The following UQCRC2 variants were observed in gnomAD, a reference collection of about 807,000 sequenced individuals.
The protein encoded by UQCRC2 is cytochrome b-c1 complex subunit 2, mitochondrial.
UQCRC2 carries 49 observed loss-of-function variants against 55.6 expected under a neutral mutation model. That is an observed-to-expected ratio of 0.88 (90% CI 0.70 to 1.12). UQCRC2 has a LOEUF of 1.12. Among genes scored for constraint, UQCRC2 ranks in the 50% most tolerant of loss-of-function variants. The pLI is 0.00. For missense variants in UQCRC2, 506 were observed against 547.8 expected, an observed-to-expected ratio of 0.92 and a Z score of 0.76; for synonymous variants, 193 against 192.0, an observed-to-expected ratio of 1.01 and a Z score of -0.04.
intron 1 of UQCRC2, among the ~76,000 whole-genome samples, chr16:21,953,894 T>A (rs1430060051): frequency 5.3e-5 from 8 of 152,208 alleles, no homozygotes; most frequent in African/African-American, 1.9e-4. Context: ...AAGGAGCTAA[T>A]GCAGATAGAA....
chr16:21,966,331 A>G (rs1245728693), intron 7 of UQCRC2, among the ~76,000 whole-genome samples: 2 of 152,054 alleles, frequency 1.3e-5, no homozygotes, highest in Non-Finnish European at 2.9e-5. Flanking sequence ...TGCTGGCTAT[A>G]GGGGTTTGTC....
intron 7 of UQCRC2, among the ~76,000 whole-genome samples, chr16:21,966,259 TC>T (rs1898324657): frequency 6.6e-6 from 1 of 152,160 alleles, no homozygotes. Flanking sequence ...TGAGCCCACT[TC>T]CTTAGCTCCT....
intron 12 of UQCRC2, 162 bp downstream of exon 12, chr16:21,976,405 T>C: frequency 1.6e-6 from 1 of 627,496 alleles, no homozygotes; most frequent in Non-Finnish European, 2.6e-6. Flanking sequence ...GATATAATTG[T>C]TAACATTTTG....
Position 21,983,419 on chromosome 16 carries a change from A to G in UQCRC2, c.*248A>G. 1 of 469,584 alleles carries G rather than the reference A, an allele frequency of 2.1e-6. No individual in the cohort carries two copies. Among genetic ancestry groups the G allele is most frequent in the Non-Finnish European group, 3.7e-6 (1 of 269,556 alleles). The allele number at this position is 469,584 out of a possible 1,614,324, so 29.1% of individuals were successfully genotyped here. On this transcript the variant is annotated 3_prime_UTR_variant, in exon 14 of 14. Coordinates refer to ENST00000268379, the MANE Select transcript of UQCRC2 (RefSeq NM_003366.4). ...TTATGTGCTGATATCTTTGTTTTAG[A>G]TGCTTTAAAGGAGACAGGAATATAA...
intron 4 of UQCRC2, 64 bp downstream of exon 4, chr16:21,958,663 TTTCTC>T: frequency 7.0e-7 from 1 of 1,429,450 alleles, no homozygotes; most frequent in Non-Finnish European, 9.8e-7. Flanking sequence ...TAAGGGAACT[TTTCTC>T]TGTTATCAAG....
intron 12 of UQCRC2, among the ~76,000 whole-genome samples, chr16:21,978,467 G>A (rs2141947332): frequency 6.6e-6 from 1 of 152,200 alleles, no homozygotes; most frequent in East Asian, 1.9e-4. Context: ...GGATGCTTTT[G>A]TGCCCATATT....
intron 1 of UQCRC2, among the ~76,000 whole-genome samples, chr16:21,956,114 C>T (rs949159924): frequency 2.6e-5 from 4 of 152,132 alleles, no homozygotes; most frequent in East Asian, 1.9e-4. Flanking sequence ...CGTGAGCCAC[C>T]GCACCCGGCT....
At chr16:21,960,950 C>T in intron 4 of UQCRC2, among the ~76,000 whole-genome samples, 1 of 152,256 alleles carries the variant, frequency 6.6e-6, no homozygotes, top group African/African-American at 2.4e-5. Flanking sequence ...TCTCCCTCCG[C>T]TTCCCAAGTA....
At chr16:21,978,281 C>T (rs777146723) in intron 12 of UQCRC2, among the ~76,000 whole-genome samples, 3 of 152,178 alleles carry the variant, frequency 2.0e-5, no homozygotes, top group Non-Finnish European at 2.9e-5. Flanking sequence ...AAGCTGACAA[C>T]GTGGTAAAAC....
At chr16:21,967,532 A>G (rs1898355939) in intron 7 of UQCRC2, among the ~76,000 whole-genome samples, 1 of 151,988 alleles carries the variant, frequency 6.6e-6, no homozygotes, top group African/African-American at 2.4e-5. Flanking sequence ...CTACTTTTGT[A>G]TATTAAGCCT....
chr16:21,958,233 G>A (rs1458265425), intron 3 of UQCRC2, among the ~76,000 whole-genome samples: 1 of 152,038 alleles, frequency 6.6e-6, no homozygotes, highest in Non-Finnish European at 1.5e-5. Context: ...TTTTTAACAG[G>A]AAGTGCCGCA....
intron 10 of UQCRC2, 40 bp from the exon 11 acceptor site, chr16:21,973,856 T>C (rs752216453): frequency 6.3e-7 from 1 of 1,586,942 alleles, no homozygotes; most frequent in Non-Finnish European, 8.6e-7. Context: ...CCTGTTTTAC[T>C]TGGTAGAATA....
At chr16:21,962,972 A>T in intron 6 of UQCRC2, 87 bp downstream of exon 6, 1 of 1,454,216 alleles carries the variant, frequency 6.9e-7, no homozygotes, top group Non-Finnish European at 9.2e-7. Context: ...TTGCTGTCAA[A>T]ATTTTTATTT....
In UQCRC2 at chr16:21,953,377, C is replaced by G. The variant is rs777017143; in HGVS notation, c.-47C>G. 6.8e-6 allele frequency: 11 copies of G among 1,606,996 alleles called. No individual in the cohort carries two copies. The East Asian group carries it at 2.2e-4, about 33-fold the overall frequency. On this transcript the variant is annotated 5_prime_UTR_variant, in exon 1 of 14. Transcript: ENST00000268379. ...ACTCCCGGCCTCCGCCACCATCTTG[C>G]TTTCCTTTAATCCGGCAGTGACCGT... is the stretch of plus-strand genomic sequence containing the variant.
At chr16:21,960,897 C>T (rs1898183566) in intron 4 of UQCRC2, among the ~76,000 whole-genome samples, 1 of 152,132 alleles carries the variant, frequency 6.6e-6, no homozygotes, top group South Asian at 2.1e-4. Context: ...GTGGTGCAGA[C>T]ATACCTTATT....
chr16:21,969,275 T>C (rs1215213860), intron 8 of UQCRC2, among the ~76,000 whole-genome samples: 2 of 152,244 alleles, frequency 1.3e-5, no homozygotes, highest in Non-Finnish European at 2.9e-5. Context: ...GGCTCATGCC[T>C]GTAATCCTAG....
chr16:21,966,641 C>T (rs1898334253), intron 7 of UQCRC2, among the ~76,000 whole-genome samples: 1 of 152,156 alleles, frequency 6.6e-6, no homozygotes, highest in Non-Finnish European at 1.5e-5. Flanking sequence ...AGTTTGATGC[C>T]TTTCATTCAT....
rs1327418643 is a variant in UQCRC2 at position 21,983,155 on chromosome 16, T to C, written c.1346T>C (p.Phe449Ser). 1.9e-6 allele frequency: 3 copies of C among 1,613,992 alleles called. No individual in the cohort carries two copies. The highest frequency in any genetic ancestry group is 1.1e-5 in the South Asian group (1 of 91,086). The change falls in exon 14 of 14, where the codon TTT becomes TCT. Residue 449 changes from phenylalanine to serine, a missense_variant. Physicochemically the swap from Phe to Ser is radical, Grantham distance 155. Transcript: ENST00000268379. ...AASGNLGHTP[F>S]VDEL ...AGTGGAAATTTGGGACATACACCTT[T>C]TGTTGATGAGTTGTAATACTGATGC... is the stretch of plus-strand genomic sequence containing the variant.
rs1247477109 is a variant in UQCRC2 at position 21,973,593 on chromosome 16, A to T, written c.967-303A>T. Among the ~76,000 whole-genome samples the T allele has an allele frequency of 2.6e-5, 4 of 152,330 alleles. No homozygotes were observed. In the South Asian group the frequency reaches 6.2e-4, roughly 24 times the overall value. ...AAAGCCTATCTATATTATAATAATA[A>T]TGTTTGCAGATTAGTGTTTGCATAA... On this transcript the variant is annotated intron_variant, in intron 10 of 13. Transcript: ENST00000268379.
Sources: gnomAD v4.1 joint callset for allele counts (sites outside exome capture counted in the v4.1 genomes callset) on GRCh38, gnomAD v4.1.1 for gene constraint, MANE v1.5 for transcripts, NCBI Gene and HGNC (gene_info 2026-07-23, HGNC 2026-07-21) for gene names.